Variants in RCOR1 observed in about 807,000 individuals in gnomAD.
RCOR1 encodes REST corepressor.
RCOR1 carries 12 observed loss-of-function variants against 64.0 expected under a neutral mutation model. The ratio of observed to expected loss-of-function variants is 0.19; its 90% CI spans 0.12 to 0.30. The LOEUF is 0.30. RCOR1 is among the 10% of genes least tolerant of loss of function. The pLI is 1.00. For synonymous variants in RCOR1, 279 were observed against 227.2 expected, an observed-to-expected ratio of 1.23 and a Z score of -2.05; for missense variants, 502 against 621.2, an observed-to-expected ratio of 0.81 and a Z score of 2.04.
At chr14:102,631,244 C>T (rs937015799) in intron 2 of RCOR1, among the ~76,000 whole-genome samples, 9 of 151,518 alleles carry the variant, frequency 5.9e-5, no homozygotes, top group African/African-American at 2.2e-4. Flanking sequence ...GCTGTGTCGC[C>T]TGGGCTGGAG....
chr14:102,641,644 G>T (rs1390447340), intron 2 of RCOR1, among the ~76,000 whole-genome samples: 1 of 152,020 alleles, frequency 6.6e-6, no homozygotes, highest in African/African-American at 2.4e-5. Flanking sequence ...TTTTGTACCA[G>T]CTACTATGAT....
At position 102,726,579 on chromosome 14, in the gene RCOR1, C is replaced by A; in HGVS notation, c.*73C>A. Reference sequence around the variant, plus strand: ...GATATCAGGTATTATGAGACATCACCTAGCCATCTGCATCACATCTCTCTG... The same window carrying A: ...GATATCAGGTATTATGAGACATCACATAGCCATCTGCATCACATCTCTCTG... On this transcript the variant is annotated 3_prime_UTR_variant, in exon 12 of 12. Coordinates refer to ENST00000262241, the MANE Select transcript of RCOR1 (RefSeq NM_015156.4). 8.0e-7 allele frequency: 1 copy of A among 1,253,582 alleles called. No homozygotes were observed. 77.7% of individuals were successfully genotyped at this position (1,253,582 alleles called of 1,614,324 possible).
At chr14:102,723,388 C>T (rs553572136) in intron 11 of RCOR1, among the ~76,000 whole-genome samples, 3 of 152,348 alleles carry the variant, frequency 2.0e-5, no homozygotes, top group African/African-American at 7.2e-5. Context: ...GGTGCCGCCA[C>T]TCCATGCAGG....
intron 2 of RCOR1, among the ~76,000 whole-genome samples, chr14:102,602,307 C>T (rs1179653845): frequency 6.6e-6 from 1 of 151,748 alleles, no homozygotes; most frequent in Admixed American, 6.6e-5. Flanking sequence ...ACCTTGTCTT[C>T]GTCATGGTGT....
At chr14:102,639,045 ATGAC>A (rs1894303480) in intron 2 of RCOR1, among the ~76,000 whole-genome samples, 1 of 152,210 alleles carries the variant, frequency 6.6e-6, no homozygotes, top group African/African-American at 2.4e-5. Context: ...TGTACTGTTC[ATGAC>A]TGTATCCATG....
At position 102,676,125 on chromosome 14, in the gene RCOR1, C is replaced by T. The variant is rs550167950; in HGVS notation, c.362-5770C>T. On this transcript the variant is annotated intron_variant, in intron 2 of 11. Coordinates refer to ENST00000262241, the MANE Select transcript of RCOR1 (RefSeq NM_015156.4). ...ATGTCTACTTCTATCCACACAGACC[C>T]GGCAACCATCCGATTTCTCAATTTT... Among the ~76,000 whole-genome samples the T allele has an allele frequency of 9.3e-5, 14 of 150,848 alleles. 1 individual carries two copies. In the South Asian group the frequency reaches 2.1e-3, roughly 23 times the overall value.
chr14:102,609,975 G>T (rs926110605), intron 2 of RCOR1, among the ~76,000 whole-genome samples: 5 of 151,972 alleles, frequency 3.3e-5, no homozygotes, highest in Admixed American at 3.3e-4. Context: ...GTGAAACCCT[G>T]TCTCTACTAA....
At chr14:102,602,133 T>C (rs1454318998) in intron 2 of RCOR1, among the ~76,000 whole-genome samples, 2 of 149,968 alleles carry the variant, frequency 1.3e-5, no homozygotes, top group Non-Finnish European at 3.0e-5. Flanking sequence ...CACTCCAGAC[T>C]GGACGACAGA....
chr14:102,670,704 C>T (rs182824955), intron 2 of RCOR1, among the ~76,000 whole-genome samples: 240 of 150,190 alleles, frequency 1.6e-3, no homozygotes, highest in Non-Finnish European at 2.7e-3. Context: ...GTTGTTAAAA[C>T]CTGTAATTGT....
chr14:102,626,200 A>G (rs551177235), intron 2 of RCOR1, among the ~76,000 whole-genome samples: 6 of 151,916 alleles, frequency 3.9e-5, no homozygotes, highest in Non-Finnish European at 8.8e-5. Flanking sequence ...TTAGAACACA[A>G]CCTCTCCTCC....
At chr14:102,606,627 G>GTTT (rs1307882389) in intron 2 of RCOR1, among the ~76,000 whole-genome samples, 2 of 139,404 alleles carry the variant, frequency 1.4e-5, no homozygotes, top group Non-Finnish European at 1.6e-5. Context: ...CAGGTTTTAA[G>GTTT]TTTTTTTTTT....
rs1894705723 is a variant in RCOR1, at chr14:102,655,573, T to C, written c.362-26322T>C. 4 of 795,942 alleles carry C rather than the reference T, an allele frequency of 5.0e-6. No homozygotes were observed. The African/African-American group carries it at 7.5e-5, about 15-fold the overall frequency. 49.3% of individuals were successfully genotyped at this position (795,942 alleles called of 1,614,324 possible). ...TTACAAGCTCATATTTGTGAAAGTG[T>C]CTGGCACATAATAGGTGATCAATAA... On this transcript the variant is annotated intron_variant, in intron 2 of 11. Transcript: ENST00000262241.
At position 102,673,693 on chromosome 14, in the gene RCOR1, G is replaced by A. The variant is rs138394737; in HGVS notation, c.362-8202G>A. 7.2e-5 allele frequency among the ~76,000 whole-genome samples: 11 copies of A among 151,952 alleles called. No homozygotes were observed. In the East Asian group the frequency reaches 1.2e-3, roughly 16 times the overall value. On this transcript the variant is annotated intron_variant, in intron 2 of 11. Transcript: ENST00000262241. ...TGCAATGGCACGATCTCGGCTCACC[G>A]CAACCTCCGCCTCCCGGGTTCAAGT... is the stretch of plus-strand genomic sequence containing the variant.
intron 2 of RCOR1, among the ~76,000 whole-genome samples, chr14:102,637,216 T>A (rs1224886475): frequency 4.6e-5 from 7 of 150,610 alleles, no homozygotes; most frequent in African/African-American, 1.7e-4. Context: ...AACCTCCGCC[T>A]CCTGTGTTCA....
rs139114480 is a variant in RCOR1, at chr14:102,595,720, C to T, written c.361+2395C>T. Among the ~76,000 whole-genome samples the T allele has an allele frequency of 5.7e-3, 861 of 151,968 alleles. 10 individuals carry two copies. The highest frequency in any genetic ancestry group is 0.02 in the African/African-American group (836 of 41,432). ...TCAGCCTCCAGAGTAGCAGGGACTA[C>T]AGGCGCCCACCAACACTCCTGGCTA... On this transcript the variant is annotated intron_variant, in intron 2 of 11. Coordinates refer to ENST00000262241, the MANE Select transcript of RCOR1 (RefSeq NM_015156.4).
At chr14:102,654,719 A>C (rs892277658) in intron 2 of RCOR1, among the ~76,000 whole-genome samples, 1 of 151,878 alleles carries the variant, frequency 6.6e-6, no homozygotes, top group African/African-American at 2.4e-5. Flanking sequence ...ATAAAGAAAA[A>C]AATTTTTAAA....
At chr14:102,602,476 T>G (rs1026552652) in intron 2 of RCOR1, among the ~76,000 whole-genome samples, 3 of 150,440 alleles carry the variant, frequency 2.0e-5, no homozygotes, top group African/African-American at 7.3e-5. Flanking sequence ...CAGTCTCCTC[T>G]CACTGTAACC....
chr14:102,717,066 TG>T (rs2139992135), intron 8 of RCOR1, among the ~76,000 whole-genome samples: 2 of 152,376 alleles, frequency 1.3e-5, no homozygotes, highest in Non-Finnish European at 2.9e-5. Context: ...GGTACTTTTT[TG>T]GTGCTCTTGT....
In RCOR1 at chr14:102,730,541, C is replaced by T. The variant is rs1595251182; in HGVS notation, c.*4035C>T. 6.6e-6 allele frequency: 1 copy of T among 152,634 alleles called. No homozygotes were observed. Among genetic ancestry groups the T allele is most frequent in the African/African-American group, 2.4e-5 (1 of 41,448 alleles). The allele number at this position is 152,634 out of a possible 1,614,324, so 9.5% of individuals were successfully genotyped here. On this transcript the variant is annotated 3_prime_UTR_variant, in exon 12 of 12. Coordinates refer to ENST00000262241, the MANE Select transcript of RCOR1 (RefSeq NM_015156.4). ...TTTGCTGAGGTTAAATAAAAATTTT[C>T]AAGCCATTGATGTAATAAAATATGA...
Sources: allele counts gnomAD v4.1 joint callset (sites outside exome capture counted in the v4.1 genomes callset), GRCh38; gene constraint gnomAD v4.1.1; transcripts MANE v1.5; gene names NCBI Gene and HGNC (gene_info 2026-07-23, HGNC 2026-07-21).